The following NRF1 variants were observed in gnomAD, a reference collection of about 807,000 sequenced individuals.
The protein encoded by NRF1 is alpha palindromic-binding protein.
Under a neutral mutation model 58.5 loss-of-function variants are expected in NRF1, and 5 were observed. That is an observed-to-expected ratio of 0.09 (90% CI 0.04 to 0.18). NRF1 has a LOEUF of 0.18. NRF1 is among the 10% of genes least tolerant of loss of function. NRF1 has a pLI of 1.00. For missense variants in NRF1, 288 were observed against 657.7 expected, an observed-to-expected ratio of 0.44 and a Z score of 6.15; for synonymous variants, 224 against 246.7, an observed-to-expected ratio of 0.91 and a Z score of 0.86.
At chr7:129,691,896 G>C (rs1469539753) in intron 5 of NRF1, among the ~76,000 whole-genome samples, 1 of 151,968 alleles carries the variant, frequency 6.6e-6, no homozygotes, top group Non-Finnish European at 1.5e-5. Flanking sequence ...TTTTCACCCA[G>C]TTTACCCTCA....
intron 2 of NRF1, among the ~76,000 whole-genome samples, chr7:129,666,595 G>A (rs1185503443): frequency 4.6e-5 from 7 of 152,040 alleles, no homozygotes; most frequent in African/African-American, 9.7e-5. Context: ...GCAGTGGCAC[G>A]ATCTCTGCTC....
intron 1 of NRF1, among the ~76,000 whole-genome samples, chr7:129,629,652 C>T (rs553204673): frequency 2.0e-5 from 3 of 152,244 alleles, no homozygotes; most frequent in Admixed American, 6.5e-5. Flanking sequence ...GCAACAGAAG[C>T]GCTTTATGCA....
At chr7:129,706,374 TAGA>T (rs1281861761) in intron 5 of NRF1, among the ~76,000 whole-genome samples, 3 of 152,056 alleles carry the variant, frequency 2.0e-5, no homozygotes, top group African/African-American at 7.2e-5. Context: ...GAAAGCCAAC[TAGA>T]AGGATACACT....
chr7:129,629,600 A>G (rs1801003071), intron 1 of NRF1, among the ~76,000 whole-genome samples: 1 of 152,198 alleles, frequency 6.6e-6, no homozygotes, highest in African/African-American at 2.4e-5. Context: ...TGAGACAGCC[A>G]TTTCTGAATG....
At chr7:129,680,918 G>A (rs1208520970) in intron 4 of NRF1, among the ~76,000 whole-genome samples, 2 of 152,184 alleles carry the variant, frequency 1.3e-5, no homozygotes, top group Non-Finnish European at 2.9e-5. Flanking sequence ...CTTTAAATGG[G>A]TGAATTGTAT....
At chr7:129,675,477 G>T (rs142999627) in intron 3 of NRF1, among the ~76,000 whole-genome samples, 1 of 152,328 alleles carries the variant, frequency 6.6e-6, no homozygotes, top group East Asian at 1.9e-4. Flanking sequence ...CACTATAGCA[G>T]CTATATCCTT....
intron 1 of NRF1, among the ~76,000 whole-genome samples, chr7:129,651,441 A>G (rs992150224): frequency 2.6e-5 from 3 of 113,408 alleles, no homozygotes; most frequent in African/African-American, 8.1e-5. Flanking sequence ...AAAAATGGTT[A>G]GAGAGGCCAA....
At chr7:129,632,766 G>T (rs568503776) in intron 1 of NRF1, among the ~76,000 whole-genome samples, 1 of 152,246 alleles carries the variant, frequency 6.6e-6, no homozygotes, top group Non-Finnish European at 1.5e-5. Context: ...CACTTTAAAT[G>T]CTGTAGATAT....
At chr7:129,648,112 A>T (rs1317482819) in intron 1 of NRF1, among the ~76,000 whole-genome samples, 1 of 151,854 alleles carries the variant, frequency 6.6e-6, no homozygotes, top group East Asian at 1.9e-4. Context: ...GTCTTTTGCC[A>T]CTCTTTCCCC....
At chr7:129,729,985 G>C (rs774403403) in intron 10 of NRF1, among the ~76,000 whole-genome samples, 5 of 151,978 alleles carry the variant, frequency 3.3e-5, no homozygotes, top group African/African-American at 9.7e-5. Flanking sequence ...GATTATAGAC[G>C]TGCCACACCA....
intron 1 of NRF1, among the ~76,000 whole-genome samples, chr7:129,614,947 G>C (rs1257492045): frequency 6.6e-6 from 1 of 152,160 alleles, no homozygotes; most frequent in Non-Finnish European, 1.5e-5. Flanking sequence ...AAATAATCAC[G>C]AATGAGTGAC....
At chr7:129,689,152 T>C (rs1802508160) in intron 4 of NRF1, among the ~76,000 whole-genome samples, 1 of 152,350 alleles carries the variant, frequency 6.6e-6, no homozygotes, top group African/African-American at 2.4e-5. Context: ...ATTTTTCTCT[T>C]ATCCCCTTAG....
chr7:129,725,603 A>G (rs1342928038), intron 9 of NRF1, among the ~76,000 whole-genome samples: 1 of 152,232 alleles, frequency 6.6e-6, no homozygotes, highest in Non-Finnish European at 1.5e-5. Context: ...CTAGGATTAC[A>G]GGCGTGAGCC....
intron 1 of NRF1, among the ~76,000 whole-genome samples, chr7:129,641,197 G>A (rs1312362648): frequency 6.6e-6 from 1 of 152,126 alleles, no homozygotes; most frequent in Non-Finnish European, 1.5e-5. Context: ...AACTTTAGAT[G>A]ATACCTGTGA....
At chr7:129,704,144 G>A (rs191755076) in intron 5 of NRF1, among the ~76,000 whole-genome samples, 156 of 151,918 alleles carry the variant, frequency 1.0e-3, no homozygotes, top group African/African-American at 3.5e-3. Context: ...CAAGGACCGA[G>A]CAGAACAAGG....
intron 3 of NRF1, among the ~76,000 whole-genome samples, chr7:129,675,381 A>G (rs1562967244): frequency 1.3e-5 from 2 of 152,236 alleles, no homozygotes; most frequent in Non-Finnish European, 2.9e-5. Flanking sequence ...TTGCACATGA[A>G]TTACAAGTAC....
chr7:129,735,181 G>A (rs1298437040), intron 10 of NRF1: 2 of 985,294 alleles, frequency 2.0e-6, no homozygotes, highest in Non-Finnish European at 2.4e-6. Flanking sequence ...TAAGACTAGG[G>A]TCTCAACCCT....
chr7:129,720,982 A>ATG lies in NRF1; in HGVS notation c.1223+3614_1223+3615dup, dbSNP rs773424536. 6.6e-5 allele frequency among the ~76,000 whole-genome samples: 10 copies of ATG among 152,042 alleles called. No individual in the cohort carries two copies. The East Asian group carries it at 1.9e-3, about 29-fold the overall frequency. On this transcript the variant is annotated intron_variant, in intron 9 of 10. Transcript: ENST00000393232. ...CAGCTTTAAAAAAATTTGTGTGTGT[A>ATG]TGTGTGTGTATATACATACATACAT...
At chr7:129,612,284 C>T (rs951362899) in intron 1 of NRF1, among the ~76,000 whole-genome samples, 2 of 100,920 alleles carry the variant, frequency 2.0e-5, no homozygotes, top group Admixed American at 1.0e-4. Context: ...CGGCCCTTCC[C>T]GGCTCTCGTA....
Sources: allele counts gnomAD v4.1 joint callset (sites outside exome capture counted in the v4.1 genomes callset), GRCh38; gene constraint gnomAD v4.1.1; transcripts MANE v1.5; gene names NCBI Gene and HGNC (gene_info 2026-07-23, HGNC 2026-07-21).